CNTNAP5: variants seen among roughly 807,000 people sequenced by gnomAD.
CNTNAP5 encodes the protein contactin associated protein family member 5.
CNTNAP5 carries 72 observed loss-of-function variants against 150.2 expected under a neutral mutation model. The ratio of observed to expected loss-of-function variants is 0.48; its 90% CI spans 0.40 to 0.58. The LOEUF (loss-of-function observed/expected upper bound fraction) is 0.58, where lower values mean the gene tolerates loss of function less well. Ranked by LOEUF, CNTNAP5 falls within the 20% of genes least tolerant of loss-of-function variation. The pLI, the probability that CNTNAP5 is intolerant of heterozygous loss-of-function variation, is 0.00. For synonymous variants in CNTNAP5, 672 were observed against 619.8 expected, an observed-to-expected ratio of 1.08 and a Z score of -1.25; for missense variants, 1,636 against 1,626.2, an observed-to-expected ratio of 1.01 and a Z score of -0.10.
rs184005725 is a variant in CNTNAP5, at chr2:124,706,239, G to A, written c.2078-40990G>A. 1.0e-2 allele frequency among the ~76,000 whole-genome samples: 1,497 copies of A among 150,082 alleles called. 15 individuals carry two copies. The highest frequency in any genetic ancestry group is 0.017 in the Non-Finnish European group (1,173 of 67,818). On this transcript the variant is annotated intron_variant, in intron 13 of 23. Coordinates refer to ENST00000682447, the MANE Select transcript of CNTNAP5 (RefSeq NM_001367498.1). ...GCTTGGGGTCAATGTCCATTGGTTT[G>A]AAAAGAAAAAAAAAGACAGAATTTA...
chr2:124,133,891 A>G (rs949024429), intron 1 of CNTNAP5, among the ~76,000 whole-genome samples: 6 of 152,212 alleles, frequency 3.9e-5, no homozygotes, highest in African/African-American at 1.2e-4. Flanking sequence ...TAAATTTTTG[A>G]ATGAATGAAT....
At chr2:124,074,673 T>C (rs1682395244) in intron 1 of CNTNAP5, among the ~76,000 whole-genome samples, 1 of 152,092 alleles carries the variant, frequency 6.6e-6, no homozygotes, top group Non-Finnish European at 1.5e-5. Context: ...TACCAGCCTG[T>C]GATCTATATT....
At chr2:124,240,715 G>A (rs545677604) in intron 2 of CNTNAP5, among the ~76,000 whole-genome samples, 1 of 152,076 alleles carries the variant, frequency 6.6e-6, no homozygotes, top group African/African-American at 2.4e-5. Flanking sequence ...CTAAGGGCTA[G>A]CTGCTTACTG....
At chr2:124,444,819 G>A (rs1048163751) in intron 5 of CNTNAP5, among the ~76,000 whole-genome samples, 1 of 152,078 alleles carries the variant, frequency 6.6e-6, no homozygotes, top group Non-Finnish European at 1.5e-5. Context: ...GCTTCTCCTG[G>A]CCTTGCAACC....
chr2:124,434,759 C>T (rs1692486184), intron 5 of CNTNAP5, 72 bp downstream of exon 5: 2 of 1,323,192 alleles, frequency 1.5e-6, no homozygotes, highest in Non-Finnish European at 1.1e-6. Flanking sequence ...CAGTGTCTGA[C>T]ACTTGCAGTG....
At chr2:124,702,367 T>G (rs1463527377) in intron 13 of CNTNAP5, among the ~76,000 whole-genome samples, 9 of 51,300 alleles carry the variant, frequency 1.8e-4, no homozygotes, top group African/African-American at 6.7e-4. Context: ...TTTTTTTTTT[T>G]TTTTTTTTTT....
At chr2:124,827,716 A>G (rs1447060032) in intron 19 of CNTNAP5, among the ~76,000 whole-genome samples, 2 of 152,156 alleles carry the variant, frequency 1.3e-5, no homozygotes, top group African/African-American at 4.8e-5. Context: ...TTTTATCGTA[A>G]TTACCAACTA....
chr2:124,193,256 G>A (rs1685500930), intron 1 of CNTNAP5, among the ~76,000 whole-genome samples: 1 of 152,222 alleles, frequency 6.6e-6, no homozygotes, highest in Non-Finnish European at 1.5e-5. Context: ...GGTACTTGAA[G>A]TTAGGACTTC....
chr2:124,560,411 C>T (rs1289021245), intron 10 of CNTNAP5, among the ~76,000 whole-genome samples: 1 of 149,262 alleles, frequency 6.7e-6, no homozygotes, highest in Non-Finnish European at 1.5e-5. Flanking sequence ...CCCAGCTACT[C>T]GGGAGGCTGA....
chr2:124,753,244 T>A (rs1680769339), intron 14 of CNTNAP5, among the ~76,000 whole-genome samples: 1 of 152,234 alleles, frequency 6.6e-6, no homozygotes. Context: ...AATATTTTTA[T>A]GGGATGTTAT....
At chr2:124,474,365 TTTTG>T (rs1216792999) in intron 6 of CNTNAP5, among the ~76,000 whole-genome samples, 1 of 152,068 alleles carries the variant, frequency 6.6e-6, no homozygotes, top group Non-Finnish European at 1.5e-5. Flanking sequence ...TAGAGGTATG[TTTTG>T]TTTGTCTCTT....
intron 1 of CNTNAP5, among the ~76,000 whole-genome samples, chr2:124,188,779 G>A (rs1685394375): frequency 6.8e-6 from 1 of 147,838 alleles, no homozygotes; most frequent in African/African-American, 2.5e-5. Flanking sequence ...AAGAGAGAGA[G>A]ACAATGGGAC....
intron 13 of CNTNAP5, among the ~76,000 whole-genome samples, chr2:124,676,700 T>C (rs1167630102): frequency 6.6e-6 from 1 of 152,128 alleles, no homozygotes; most frequent in Non-Finnish European, 1.5e-5. Flanking sequence ...GTGAGGGTGT[T>C]GGTTTTCGAG....
At chr2:124,561,669 G>A (rs566706147) in intron 10 of CNTNAP5, among the ~76,000 whole-genome samples, 2 of 152,240 alleles carry the variant, frequency 1.3e-5, no homozygotes, top group East Asian at 1.9e-4. Flanking sequence ...CCAAACATAA[G>A]CCCTGTCAGC....
chr2:124,515,552 G>C (rs200376095), intron 8 of CNTNAP5, among the ~76,000 whole-genome samples: 1 of 151,554 alleles, frequency 6.6e-6, no homozygotes, highest in Admixed American at 6.6e-5. Context: ...CATTCATCAC[G>C]TTTTATATGC....
chr2:124,164,995 C>A (rs1361306147), intron 1 of CNTNAP5, among the ~76,000 whole-genome samples: 1 of 152,064 alleles, frequency 6.6e-6, no homozygotes, highest in Non-Finnish European at 1.5e-5. Context: ...AGCCCTGGAG[C>A]CAGCCAGAGA....
intron 3 of CNTNAP5, among the ~76,000 whole-genome samples, chr2:124,391,106 A>T (rs964842098): frequency 2.0e-5 from 3 of 152,208 alleles, no homozygotes; most frequent in Non-Finnish European, 4.4e-5. Flanking sequence ...AACTCCATGG[A>T]TCTATATCTT....
chr2:124,789,085 G>T (rs1377802893), intron 17 of CNTNAP5, among the ~76,000 whole-genome samples: 2 of 152,160 alleles, frequency 1.3e-5, no homozygotes, highest in Non-Finnish European at 2.9e-5. Context: ...TCTGGCTCTG[G>T]TCTATCCACC....
chr2:124,873,608 G>A (rs1677794884), intron 21 of CNTNAP5, among the ~76,000 whole-genome samples: 1 of 152,050 alleles, frequency 6.6e-6, no homozygotes, highest in Non-Finnish European at 1.5e-5. Flanking sequence ...ATTTAGAAAG[G>A]ACGCTAATCC....
Sources: allele counts gnomAD v4.1 joint callset (sites outside exome capture counted in the v4.1 genomes callset), GRCh38; gene constraint gnomAD v4.1.1; transcripts MANE v1.5; gene names NCBI Gene and HGNC (gene_info 2026-07-23, HGNC 2026-07-21).